PDE3A: variants seen among roughly 807,000 people sequenced by gnomAD.
PDE3A encodes the protein phosphodiesterase 3A.
In PDE3A, 43 loss-of-function variants were observed where a neutral mutation model predicts 98.3. The ratio of observed to expected loss-of-function variants is 0.44; its 90% CI spans 0.34 to 0.56. PDE3A has a LOEUF of 0.56. Among genes scored for constraint, PDE3A ranks in the 20% least tolerant of loss-of-function variants. PDE3A has a pLI of 0.01. For missense variants in PDE3A, 1,427 were observed against 1,440.7 expected (o/e 0.99, Z 0.15); for synonymous variants, 663 against 567.9 (o/e 1.17, Z -2.38).
chr12:20,372,386 C>T (rs1371835502), intron 1 of PDE3A, among the ~76,000 whole-genome samples: 2 of 152,110 alleles, frequency 1.3e-5, no homozygotes, highest in Admixed American at 1.3e-4. Context: ...AATTGAGATA[C>T]TTGAAGTTTT....
chr12:20,372,137 T>A (rs997490131), intron 1 of PDE3A, among the ~76,000 whole-genome samples: 1 of 152,322 alleles, frequency 6.6e-6, no homozygotes, highest in African/African-American at 2.4e-5. Context: ...ACATTTTTAT[T>A]GGGTTTCTCT....
At chr12:20,554,689 C>T (rs1325814320) in intron 1 of PDE3A, among the ~76,000 whole-genome samples, 1 of 151,646 alleles carries the variant, frequency 6.6e-6, no homozygotes, top group East Asian at 2.0e-4. Context: ...CAGGTTCAAG[C>T]GATTCTCCTG....
rs567611767 is a variant in PDE3A, at chr12:20,498,498, G to A, written c.961-58162G>A. Among the ~76,000 whole-genome samples the A allele has an allele frequency of 5.3e-5, 8 of 152,260 alleles. No homozygotes were observed. The South Asian group carries it at 1.4e-3, about 28-fold the overall frequency. ...ATTTACATTGAATTAGGTATTATAA[G>A]TTATCTAGAGATGATTTAAAGTGAA... On this transcript the variant is annotated intron_variant, in intron 1 of 15. Transcript: ENST00000359062.
chr12:20,582,735 T>C lies in PDE3A; in HGVS notation c.1011+26025T>C, dbSNP rs543406169. Among the ~76,000 whole-genome samples the C allele has an allele frequency of 1.7e-3, 253 of 152,234 alleles. 1 individual carries two copies. Among genetic ancestry groups the C allele is most frequent in the African/African-American group, 5.8e-3 (242 of 41,556 alleles). ...TCATGTTTGTGTTTGGTTTTGTCTA[T>C]TTGTAAATGGAAACATTTATTTTTA... is the stretch of plus-strand genomic sequence containing the variant. On this transcript the variant is annotated intron_variant, in intron 2 of 15. Coordinates refer to ENST00000359062, the MANE Select transcript of PDE3A (RefSeq NM_000921.5).
chr12:20,370,189 G>T lies in PDE3A; in HGVS notation c.905G>T (p.Gly302Val), dbSNP rs140794489. The change falls in exon 1 of 16, where the codon GGC (glycine) becomes GTC (valine). Residue 302 changes from glycine to valine, a missense_variant. Around this residue, in one of 3 missense-constraint regions of PDE3A, gnomAD observed 1,012 missense variants for 886.5 expected, o/e 1.14. Transcript: ENST00000359062. ...SSSVVSAEMS[G>V]CSSKSHRRTS... ...TCCGTCGTGTCCGCCGAGATGTCCG[G>T]CTGCAGCAGCAAGTCCCATCGGAGG... is the stretch of plus-strand genomic sequence containing the variant. 6.2e-7 allele frequency: 1 copy of T among 1,609,864 alleles called. No homozygotes were observed. The highest frequency in any genetic ancestry group is 2.2e-5 in the East Asian group (1 of 44,824).
chr12:20,458,872 T>C (rs557666283), intron 1 of PDE3A, among the ~76,000 whole-genome samples: 12 of 152,320 alleles, frequency 7.9e-5, no homozygotes, highest in African/African-American at 2.9e-4. Context: ...CATTATATAG[T>C]CATTAACATG....
At chr12:20,641,775 A>G (rs781004555) in intron 10 of PDE3A, among the ~76,000 whole-genome samples, 3 of 152,152 alleles carry the variant, frequency 2.0e-5, no homozygotes, top group Non-Finnish European at 4.4e-5. Context: ...GTTACAAGTA[A>G]TAGATATTTT....
intron 1 of PDE3A, among the ~76,000 whole-genome samples, chr12:20,478,940 G>C (rs1249519104): frequency 6.6e-6 from 1 of 151,990 alleles, no homozygotes; most frequent in East Asian, 1.9e-4. Context: ...TTTTCTCACT[G>C]TCCTGATTAA....
intron 1 of PDE3A, among the ~76,000 whole-genome samples, chr12:20,374,224 C>CA (rs1272812925): frequency 6.6e-6 from 1 of 151,744 alleles, no homozygotes; most frequent in Non-Finnish European, 1.5e-5. Context: ...GTCGGGGGGA[C>CA]AAAAATTGTA....
intron 1 of PDE3A, among the ~76,000 whole-genome samples, chr12:20,519,328 T>C (rs1222852007): frequency 4.6e-5 from 7 of 152,186 alleles, no homozygotes; most frequent in Admixed American, 3.3e-4. Context: ...TGGCTACCCC[T>C]ATAAGCTGAG....
rs144341975 is a variant in PDE3A at position 20,667,742 on chromosome 12, G to A, written c.3185-12288G>A. On this transcript the variant is annotated intron_variant, in intron 15 of 15. Coordinates refer to ENST00000359062, the MANE Select transcript of PDE3A (RefSeq NM_000921.5). ...GTTCTTTTCGTTCAGGATTGCTTTGGCTACTCAAGCTCTTTTTTGGTTCCA... is the reference window on the plus strand; with the variant it reads ...GTTCTTTTCGTTCAGGATTGCTTTGACTACTCAAGCTCTTTTTTGGTTCCA... Among the ~76,000 whole-genome samples, 330 of 152,228 alleles carry A rather than the reference G, an allele frequency of 2.2e-3. 2 individuals are homozygous for A. The highest frequency in any genetic ancestry group is 7.5e-3 in the African/African-American group (311 of 41,538).
chr12:20,434,419 G>A lies in PDE3A; in HGVS notation c.960+64175G>A, dbSNP rs929579310. Among the ~76,000 whole-genome samples, 4 of 152,156 alleles carry A rather than the reference G, an allele frequency of 2.6e-5. No individual in the cohort carries two copies. The East Asian group carries it at 7.7e-4, about 29-fold the overall frequency. On this transcript the variant is annotated intron_variant, in intron 1 of 15. Coordinates refer to ENST00000359062, the MANE Select transcript of PDE3A (RefSeq NM_000921.5). ...TCTATTGCTATCTATCTTCATTTAA[G>A]GGGAGAGCCAGGGAGGCTGTTTAGA...
At chr12:20,432,119 G>C (rs1040455751) in intron 1 of PDE3A, among the ~76,000 whole-genome samples, 3 of 152,106 alleles carry the variant, frequency 2.0e-5, no homozygotes, top group Non-Finnish European at 4.4e-5. Context: ...GCCCTAAGGT[G>C]GTTAAATGAT....
chr12:20,419,419 A>G (rs1336265455), intron 1 of PDE3A, among the ~76,000 whole-genome samples: 6 of 152,014 alleles, frequency 3.9e-5, no homozygotes, highest in Non-Finnish European at 8.8e-5. Context: ...TAGCCTCCCT[A>G]GTAGCTGGGA....
chr12:20,665,435 T>A (rs1315931414), intron 15 of PDE3A, among the ~76,000 whole-genome samples: 2 of 152,354 alleles, frequency 1.3e-5, no homozygotes, highest in African/African-American at 4.8e-5. Context: ...GTTGAAAACT[T>A]TGAATCATTT....
At chr12:20,642,964 A>G (rs1304990992) in intron 10 of PDE3A, among the ~76,000 whole-genome samples, 1 of 152,218 alleles carries the variant, frequency 6.6e-6, no homozygotes, top group African/African-American at 2.4e-5. Flanking sequence ...GAATTTACAT[A>G]CAACTCCAAC....
intron 5 of PDE3A, 41 bp downstream of exon 5, chr12:20,621,452 G>A (rs778528022): frequency 1.6e-5 from 17 of 1,050,272 alleles, no homozygotes; most frequent in African/African-American, 6.3e-5. Flanking sequence ...CTGTGAGTGT[G>A]GAGTTCTAGA....
intron 1 of PDE3A, among the ~76,000 whole-genome samples, chr12:20,522,201 G>T (rs1057174675): frequency 6.6e-6 from 1 of 152,150 alleles, no homozygotes; most frequent in Non-Finnish European, 1.5e-5. Flanking sequence ...GCTCTCTCAT[G>T]TGCTTGCGAT....
intron 1 of PDE3A, among the ~76,000 whole-genome samples, chr12:20,457,155 G>A (rs1945167362): frequency 6.6e-6 from 1 of 151,818 alleles, no homozygotes; most frequent in East Asian, 1.9e-4. Flanking sequence ...ATTGGCAAAG[G>A]AATTCCTTTC....
Sources: allele counts gnomAD v4.1 joint callset (sites outside exome capture counted in the v4.1 genomes callset), GRCh38; gene constraint gnomAD v4.1.1; regional missense constraint gnomAD v4.1.1; transcripts MANE v1.5; gene names NCBI Gene and HGNC (gene_info 2026-07-23, HGNC 2026-07-21).